Variants in OSBPL1A observed in about 807,000 individuals in gnomAD.
The protein encoded by OSBPL1A is oxysterol binding protein like 1A, also known as oxysterol-binding protein-related protein 1.
A neutral mutation model predicts 137.1 loss-of-function variants in OSBPL1A; 80 were observed. The observed-to-expected ratio is 0.58, with a 90% confidence interval of 0.49 to 0.70. OSBPL1A has a LOEUF of 0.70. OSBPL1A is among the 30% of genes least tolerant of loss of function. OSBPL1A has a pLI of 0.00. For synonymous variants in OSBPL1A, 365 were observed against 389.7 expected, an observed-to-expected ratio of 0.94 and a Z score of 0.75; for missense variants, 970 against 1,129.4, an observed-to-expected ratio of 0.86 and a Z score of 2.02.
intron 7 of OSBPL1A, among the ~76,000 whole-genome samples, chr18:24,329,460 G>A (rs2091037020): frequency 6.7e-6 from 1 of 150,164 alleles, no homozygotes; most frequent in Non-Finnish European, 1.5e-5. Flanking sequence ...TGAGGCAGGA[G>A]AATCGCTTGA....
At chr18:24,176,127 G>C (rs1296588899) in intron 21 of OSBPL1A, among the ~76,000 whole-genome samples, 1 of 152,174 alleles carries the variant, frequency 6.6e-6, no homozygotes, top group Non-Finnish European at 1.5e-5. Context: ...TGGCTGTTCT[G>C]TCATTTGCCT....
chr18:24,167,868 A>C (rs1317521208), intron 24 of OSBPL1A, among the ~76,000 whole-genome samples: 1 of 152,232 alleles, frequency 6.6e-6, no homozygotes, highest in Admixed American at 6.5e-5. Flanking sequence ...AAACTACATG[A>C]GGGCAGGGAC....
chr18:24,174,185 A>G (rs757260289), intron 21 of OSBPL1A, among the ~76,000 whole-genome samples: 1 of 149,854 alleles, frequency 6.7e-6, no homozygotes, highest in Non-Finnish European at 1.5e-5. Context: ...ATGCTACTGT[A>G]AACATTTGTA....
At chr18:24,253,222 AG>A (rs2089164117) in intron 15 of OSBPL1A, among the ~76,000 whole-genome samples, 1 of 150,988 alleles carries the variant, frequency 6.6e-6, no homozygotes, top group African/African-American at 2.4e-5. Flanking sequence ...TGTTGCCTAC[AG>A]GAAATGCATT....
chr18:24,237,730 C>T (rs889172030), intron 16 of OSBPL1A, among the ~76,000 whole-genome samples: 1 of 152,134 alleles, frequency 6.6e-6, no homozygotes, highest in Non-Finnish European at 1.5e-5. Context: ...TTTGGATGCT[C>T]CCCATAGAAG....
chr18:24,163,856 C>G (rs2086079074), intron 27 of OSBPL1A, among the ~76,000 whole-genome samples: 1 of 152,080 alleles, frequency 6.6e-6, no homozygotes, highest in African/African-American at 2.4e-5. Context: ...CCTCAGCCTC[C>G]CGAGTAGCTG....
chr18:24,198,372 C>T (rs74573919), intron 17 of OSBPL1A, among the ~76,000 whole-genome samples: 3,286 of 152,232 alleles, frequency 0.022, 133 homozygotes, highest in East Asian at 0.19. Flanking sequence ...AGAGTCCCAC[C>T]TGGGAATATC....
rs181336322 is a variant in OSBPL1A, at chr18:24,188,724, C to T, written c.1677+7401G>A. Among the ~76,000 whole-genome samples the T allele has an allele frequency of 2.0e-5, 3 of 152,198 alleles. No homozygotes were observed. The East Asian group carries it at 5.8e-4, about 29-fold the overall frequency. On this transcript the variant is annotated intron_variant, in intron 18 of 27. Transcript: ENST00000319481. ...CAACTTACTTGCAATTGTATTGCCTCCATCATCTGTAATTATTTTTAAATA... is the reference window on the plus strand; with the variant it reads ...CAACTTACTTGCAATTGTATTGCCTTCATCATCTGTAATTATTTTTAAATA...
At chr18:24,258,780 CAT>C (rs747806794) in intron 15 of OSBPL1A, among the ~76,000 whole-genome samples, 1 of 151,916 alleles carries the variant, frequency 6.6e-6, no homozygotes, top group African/African-American at 2.4e-5. Flanking sequence ...TAAATTGCCT[CAT>C]AGTGGTAGAT....
chr18:24,339,454 A>G (rs2091237664), intron 5 of OSBPL1A, among the ~76,000 whole-genome samples: 1 of 152,220 alleles, frequency 6.6e-6, no homozygotes, highest in South Asian at 2.1e-4. Context: ...CTGTTTCCCA[A>G]GCTAAGACCA....
At chr18:24,312,467 C>G (rs1015531171) in intron 12 of OSBPL1A, among the ~76,000 whole-genome samples, 1 of 152,090 alleles carries the variant, frequency 6.6e-6, no homozygotes, top group African/African-American at 2.4e-5. Context: ...GAATAAGTTA[C>G]TATATAGTAA....
intron 13 of OSBPL1A, among the ~76,000 whole-genome samples, chr18:24,306,537 C>A (rs2090504402): frequency 6.6e-6 from 1 of 152,046 alleles, no homozygotes. Context: ...CACCTAAGAG[C>A]ACATACTGTA....
chr18:24,225,976 A>G (rs1377891622), intron 16 of OSBPL1A, among the ~76,000 whole-genome samples: 1 of 152,198 alleles, frequency 6.6e-6, no homozygotes, highest in Non-Finnish European at 1.5e-5. Context: ...TCTCTATACA[A>G]AAATAAATAA....
At position 24,254,222 on chromosome 18, in the gene OSBPL1A, T is replaced by C. The variant is rs1443031240; in HGVS notation, c.1282-14840A>G. On this transcript the variant is annotated intron_variant, in intron 15 of 27. Transcript: ENST00000319481. ...AAGCAAATATTATTAGAGCTAAAGA[T>C]AGAGCTAGACCTCAATATAATAATT... Among the ~76,000 whole-genome samples the C allele has an allele frequency of 2.0e-5, 3 of 152,338 alleles. 1 individual carries two copies. The highest frequency in any genetic ancestry group is 4.1e-4 in the South Asian group (2 of 4,828).
chr18:24,178,213 A>T lies in OSBPL1A; in HGVS notation c.1911-18T>A, dbSNP rs1230813151. On this transcript the variant is annotated intron_variant, in intron 20 of 27. Transcript: ENST00000319481. ...GGTCATCTCTTAAGATTTAAAAAAA[A>T]AAAAAAAGAAAAAAAAAAGCAACAT... The T allele has an allele frequency of 2.0e-6, 3 of 1,518,006 alleles. No homozygotes were observed. Among genetic ancestry groups the T allele is most frequent in the Non-Finnish European group, 2.7e-6 (3 of 1,128,780 alleles). The allele number at this position is 1,518,006 out of a possible 1,614,324, so 94.0% of individuals were successfully genotyped here.
chr18:24,314,737 G>A (rs1030406881), intron 11 of OSBPL1A, among the ~76,000 whole-genome samples: 3 of 152,114 alleles, frequency 2.0e-5, no homozygotes, highest in African/African-American at 7.2e-5. Flanking sequence ...ATCAGCAGTA[G>A]ATAATGTTGA....
intron 16 of OSBPL1A, 152 bp downstream of exon 16, chr18:24,239,068 T>C: frequency 1.2e-6 from 1 of 810,756 alleles, no homozygotes; most frequent in Non-Finnish European, 1.8e-6. Context: ...ACACAAAAAA[T>C]CTGGGGAGCT....
chr18:24,307,112 C>A (rs1380280289), intron 13 of OSBPL1A, among the ~76,000 whole-genome samples: 2 of 149,264 alleles, frequency 1.3e-5, no homozygotes, highest in African/African-American at 4.9e-5. Context: ...AAAACAAAAA[C>A]AAAAACAAAA....
At chr18:24,267,468 GAACA>G (rs2089607022) in intron 15 of OSBPL1A, among the ~76,000 whole-genome samples, 1 of 151,678 alleles carries the variant, frequency 6.6e-6, no homozygotes, top group Non-Finnish European at 1.5e-5. Context: ...GATGAGGACA[GAACA>G]AAAAAAGAAA....
Sources: allele counts gnomAD v4.1 joint callset (sites outside exome capture counted in the v4.1 genomes callset), GRCh38; gene constraint gnomAD v4.1.1; transcripts MANE v1.5; gene names NCBI Gene and HGNC (gene_info 2026-07-23, HGNC 2026-07-21).